The following SCHIP1 variants were observed in gnomAD, a reference collection of about 807,000 sequenced individuals.
SCHIP1 encodes schwannomin interacting protein 1.
Under a neutral mutation model 29.7 loss-of-function variants are expected in SCHIP1, and 8 were observed. The observed-to-expected ratio is 0.27, with a 90% CI of 0.16 to 0.49. SCHIP1 has a LOEUF of 0.49. Among genes scored for constraint, SCHIP1 ranks in the 20% least tolerant of loss-of-function variants. The pLI is 0.99. For missense variants in SCHIP1, 193 were observed against 294.6 expected (o/e 0.66, Z 2.52); for synonymous variants, 76 against 94.9 (o/e 0.80, Z 1.16).
the SCHIP1 span, among the ~76,000 whole-genome samples, chr3:159,686,799 AG>A: frequency 6.6e-6 from 1 of 152,212 alleles, no homozygotes; most frequent in Non-Finnish European, 1.5e-5. Context: ...AGTCACCTCC[AG>A]ATTAAACTCT....
chr3:159,674,777 C>T, the SCHIP1 span, among the ~76,000 whole-genome samples: 1 of 152,146 alleles, frequency 6.6e-6, no homozygotes, highest in Non-Finnish European at 1.5e-5. Flanking sequence ...TAGGATATGA[C>T]TCAGTCGTAC....
chr3:159,713,287 A>AGAAG, the SCHIP1 span, among the ~76,000 whole-genome samples: 1 of 143,116 alleles, frequency 7.0e-6, no homozygotes, highest in African/African-American at 2.5e-5. Flanking sequence ...AAAGAAAGAA[A>AGAAG]AAAGAAAAGA....
At chr3:159,793,853 C>T in the SCHIP1 span, among the ~76,000 whole-genome samples, 3 of 152,182 alleles carry the variant, frequency 2.0e-5, no homozygotes, top group East Asian at 1.9e-4. Flanking sequence ...CCACTGTGCC[C>T]GACCTGTTTT....
At chr3:159,503,304 G>A in the SCHIP1 span, among the ~76,000 whole-genome samples, 18 of 152,058 alleles carry the variant, frequency 1.2e-4, no homozygotes, top group Admixed American at 2.6e-4. Context: ...AGATAAATGC[G>A]ACAATATTAA....
the SCHIP1 span, among the ~76,000 whole-genome samples, chr3:159,797,885 GGA>G: frequency 6.6e-6 from 1 of 152,328 alleles, no homozygotes; most frequent in African/African-American, 2.4e-5. Context: ...AGGAAAGGGT[GGA>G]GGAAAGCAGG....
chr3:159,750,970 G>C, the SCHIP1 span, among the ~76,000 whole-genome samples: 1 of 151,656 alleles, frequency 6.6e-6, no homozygotes, highest in Admixed American at 6.6e-5. Flanking sequence ...ATAATTGCAT[G>C]GGATCAATTT....
intron 1 of SCHIP1, among the ~76,000 whole-genome samples, chr3:159,848,418 C>T (rs1046103454): frequency 6.6e-6 from 1 of 152,154 alleles, no homozygotes; most frequent in Non-Finnish European, 1.5e-5. Context: ...AACCATCAGG[C>T]ATTACATTCA....
At chr3:159,359,086 C>G in the SCHIP1 span, among the ~76,000 whole-genome samples, 1 of 151,656 alleles carries the variant, frequency 6.6e-6, no homozygotes, top group Non-Finnish European at 1.5e-5. Context: ...CACCACCATG[C>G]CCAGCTAATT....
the SCHIP1 span, among the ~76,000 whole-genome samples, chr3:159,293,376 C>G: frequency 6.6e-6 from 1 of 152,162 alleles, no homozygotes; most frequent in African/African-American, 2.4e-5. Flanking sequence ...GAAAAGTGTC[C>G]TTGAGGCATT....
chr3:159,537,850 ATATACT>A, the SCHIP1 span, among the ~76,000 whole-genome samples: 10 of 152,344 alleles, frequency 6.6e-5, no homozygotes, highest in South Asian at 2.1e-4. Flanking sequence ...CCTAATCTAA[ATATACT>A]TATAAACAGT....
At chr3:159,765,440 G>C in the SCHIP1 span, 2 of 319,130 alleles carry the variant, frequency 6.3e-6, no homozygotes, top group Non-Finnish European at 1.1e-5. Flanking sequence ...ACCAGGTTGT[G>C]AGTCACTTGC....
chr3:159,718,494 T>G, the SCHIP1 span, among the ~76,000 whole-genome samples: 6 of 152,086 alleles, frequency 3.9e-5, no homozygotes, highest in Non-Finnish European at 5.9e-5. Flanking sequence ...CATCGTCTCA[T>G]CCCAAAATCT....
intron 1 of SCHIP1, among the ~76,000 whole-genome samples, chr3:159,841,919 T>C (rs1014522261): frequency 5.3e-5 from 8 of 152,240 alleles, no homozygotes; most frequent in Non-Finnish European, 8.8e-5. Flanking sequence ...GTGTATGTTC[T>C]TTTGAAGTGC....
chr3:159,432,019 A>G, the SCHIP1 span, among the ~76,000 whole-genome samples: 1 of 152,084 alleles, frequency 6.6e-6, no homozygotes, highest in Non-Finnish European at 1.5e-5. Flanking sequence ...ATAAGCATTT[A>G]TTATCTCAAA....
At chr3:159,805,242 G>T in the SCHIP1 span, among the ~76,000 whole-genome samples, 2 of 152,246 alleles carry the variant, frequency 1.3e-5, no homozygotes, top group East Asian at 3.9e-4. Context: ...TTAGACTCCT[G>T]CTGTTCTGAG....
chr3:159,565,509 C>T, the SCHIP1 span, among the ~76,000 whole-genome samples: 198 of 152,294 alleles, frequency 1.3e-3, no homozygotes, highest in African/African-American at 4.6e-3. Context: ...CTAGTGGCAG[C>T]ATGTCAATTC....
the SCHIP1 span, among the ~76,000 whole-genome samples, chr3:159,383,822 A>T: frequency 6.6e-6 from 1 of 151,240 alleles, no homozygotes; most frequent in Non-Finnish European, 1.5e-5. Flanking sequence ...GAGGTCCTTC[A>T]CATCCCTTGT....
the SCHIP1 span, among the ~76,000 whole-genome samples, chr3:159,831,274 C>A: frequency 6.6e-6 from 1 of 152,142 alleles, no homozygotes; most frequent in Non-Finnish European, 1.5e-5. Context: ...TTAGTCTTTT[C>A]ATCCCTTTCT....
At chr3:159,544,531 G>A in the SCHIP1 span, among the ~76,000 whole-genome samples, 1 of 152,082 alleles carries the variant, frequency 6.6e-6, no homozygotes, top group South Asian at 2.1e-4. Context: ...TGTACAATCA[G>A]GTTGTTTAAG....
Sources: gnomAD v4.1 joint callset for allele counts (sites outside exome capture counted in the v4.1 genomes callset) on GRCh38, gnomAD v4.1.1 for gene constraint, MANE v1.5 for transcripts, NCBI Gene and HGNC (gene_info 2026-07-23, HGNC 2026-07-21) for gene names.